The following CCDC141 variants were observed in gnomAD, a reference collection of about 807,000 sequenced individuals.
The protein encoded by CCDC141 is coiled-coil domain-containing protein 141.
A neutral mutation model predicts 181.0 loss-of-function variants in CCDC141; 168 were observed. That is an observed-to-expected ratio of 0.93 (90% CI 0.82 to 1.05). CCDC141 has a LOEUF of 1.05. Among genes scored for constraint, CCDC141 ranks in the 50% least tolerant of loss-of-function variants. CCDC141 has a pLI of 0.00. For synonymous variants in CCDC141, 666 were observed against 642.3 expected (o/e 1.04, Z -0.56); for missense variants, 1,902 against 1,788.5 (o/e 1.06, Z -1.14).
In CCDC141 at chr2:178,994,601, T is replaced by G. The variant is rs577367466; in HGVS notation, c.226-15926A>C. Among the ~76,000 whole-genome samples the G allele has an allele frequency of 3.9e-5, 6 of 152,304 alleles. No homozygotes were observed. The East Asian group carries it at 1.2e-3, about 29-fold the overall frequency. The stretch of plus-strand genomic sequence containing the variant: ...ACATTTTCATCATTTTCTTGGGGAT[T>G]AGCTCCTCGTTACTTATGCAAATTT... On this transcript the variant is annotated intron_variant, in intron 2 of 23. Coordinates refer to ENST00000443758, the MANE Select transcript of CCDC141 (RefSeq NM_173648.4).
intron 17 of CCDC141, among the ~76,000 whole-genome samples, chr2:178,857,792 T>C (rs1186066752): frequency 6.6e-6 from 1 of 152,186 alleles, no homozygotes; most frequent in Non-Finnish European, 1.5e-5. Context: ...TTCTTTTCAA[T>C]GATAGCAAAC....
At chr2:179,017,907 C>T (rs1055061878) in intron 2 of CCDC141, among the ~76,000 whole-genome samples, 4 of 152,046 alleles carry the variant, frequency 2.6e-5, no homozygotes, top group African/African-American at 9.7e-5. Flanking sequence ...TCAAGCCCAG[C>T]TTGATTTAAG....
rs539874001 is a variant in CCDC141 at position 178,907,858 on chromosome 2, G to T, written c.1093-2357C>A. Reference sequence around the variant, plus strand: ...AAAATTAAAAAAAAAAATTAGCCAGGTGTGGTAGCACGTGCTTGTAATCCC... The same window carrying T: ...AAAATTAAAAAAAAAAATTAGCCAGTTGTGGTAGCACGTGCTTGTAATCCC... On this transcript the variant is annotated intron_variant, in intron 7 of 23. Transcript: ENST00000443758. Among the ~76,000 whole-genome samples the T allele has an allele frequency of 4.6e-5, 7 of 152,152 alleles. No individual in the cohort carries two copies. In the South Asian group the frequency reaches 1.5e-3, roughly 32 times the overall value.
chr2:178,871,142 T>C (rs1686102480), intron 14 of CCDC141, among the ~76,000 whole-genome samples: 1 of 152,154 alleles, frequency 6.6e-6, no homozygotes, highest in Non-Finnish European at 1.5e-5. Context: ...AGTGAAAATA[T>C]AGGATAAATA....
At chr2:178,825,015 AC>A (rs1272266575), downstream of CCDC141, among the ~76,000 whole-genome samples, 2 of 152,188 alleles carry the variant, frequency 1.3e-5, no homozygotes, top group East Asian at 3.9e-4. Flanking sequence ...GACATATAAG[AC>A]CAAAAATTAC....
rs1476458130 is a variant in CCDC141 at position 178,960,834 on chromosome 2, T to A, written c.780+396A>T. Among the ~76,000 whole-genome samples, 5 of 152,374 alleles carry A rather than the reference T, an allele frequency of 3.3e-5. No individual in the cohort carries two copies. The East Asian group carries it at 9.6e-4, about 29-fold the overall frequency. On this transcript the variant is annotated intron_variant, in intron 5 of 23. Coordinates refer to ENST00000443758, the MANE Select transcript of CCDC141 (RefSeq NM_173648.4). ...TCTATTTTGGGCTGACAGACTTTTT[T>A]ACTGATGTAAGCAGCAATCTAGCAC...
chr2:179,026,966 A>G (rs2042863512), intron 2 of CCDC141, among the ~76,000 whole-genome samples: 1 of 152,238 alleles, frequency 6.6e-6, no homozygotes, highest in South Asian at 2.1e-4. Flanking sequence ...TATTTGCCCA[A>G]TGCCTGTACC....
At chr2:179,026,352 G>A (rs191503968) in intron 2 of CCDC141, among the ~76,000 whole-genome samples, 29 of 152,298 alleles carry the variant, frequency 1.9e-4, no homozygotes, top group African/African-American at 6.7e-4. Flanking sequence ...GCTGAAAGGG[G>A]CCAACATAGA....
the CCDC141 span, among the ~76,000 whole-genome samples, chr2:178,818,428 C>A: frequency 6.6e-6 from 1 of 152,058 alleles, no homozygotes; most frequent in Non-Finnish European, 1.5e-5. Context: ...TGATGCTCTC[C>A]CTCCCCCAAC....
chr2:178,839,473 A>G (rs993494319), intron 22 of CCDC141, among the ~76,000 whole-genome samples: 1 of 149,824 alleles, frequency 6.7e-6, no homozygotes, highest in Non-Finnish European at 1.5e-5. Context: ...CTACTTTGGG[A>G]AGCTGAAGCA....
chr2:178,856,684 G>A (rs1685404118), intron 17 of CCDC141, among the ~76,000 whole-genome samples: 1 of 152,056 alleles, frequency 6.6e-6, no homozygotes, highest in Non-Finnish European at 1.5e-5. Flanking sequence ...TGCCTCCTGG[G>A]TTCAAGCAAT....
rs143246142 is a variant in CCDC141 at position 178,961,725 on chromosome 2, C to A, written c.527-242G>T. Among the ~76,000 whole-genome samples the A allele has an allele frequency of 2.8e-3, 429 of 152,278 alleles. 2 individuals are homozygous for A. The highest frequency in any genetic ancestry group is 9.9e-3 in the African/African-American group (413 of 41,552). ...CTGCCAACTGATGGGATGCTTTGTT[C>A]AGCAATTGTGTGATTCAGGACAGGG... On this transcript the variant is annotated intron_variant, in intron 4 of 23. Coordinates refer to ENST00000443758, the MANE Select transcript of CCDC141 (RefSeq NM_173648.4).
chr2:179,050,104 A>T lies in CCDC141; in HGVS notation c.-163T>A. The stretch of plus-strand genomic sequence containing the variant: ...AAGAACAGGAGGTTAAAAATAGACA[A>T]CCCCATTGAGTTTATCGTGAGAGAG... On this transcript the variant is annotated 5_prime_UTR_variant, in exon 1 of 24. It adds an upstream start codon to the 5' untranslated region. Coordinates refer to ENST00000443758, the MANE Select transcript of CCDC141 (RefSeq NM_173648.4). 1 of 1,075,258 alleles carries T rather than the reference A, an allele frequency of 9.3e-7. No individual in the cohort carries two copies. Among genetic ancestry groups the T allele is most frequent in the Non-Finnish European group, 1.3e-6 (1 of 779,902 alleles). 66.6% of individuals were successfully genotyped at this position (1,075,258 alleles called of 1,614,324 possible).
In CCDC141 at chr2:178,833,218, G is replaced by T. The variant is rs556468441; in HGVS notation, c.*955C>A. 1 of 152,010 alleles carries T rather than the reference G, an allele frequency of 6.6e-6. No individual in the cohort carries two copies. Among genetic ancestry groups the T allele is most frequent in the African/African-American group, 2.4e-5 (1 of 41,398 alleles). The allele number at this position is 152,010 out of a possible 1,614,324, so 9.4% of individuals were successfully genotyped here. A position where few individuals can be genotyped will look rare whatever the true frequency, so the allele number is the denominator to read the frequency against. Reference sequence around the variant, plus strand: ...AAAAAGAAATAGTGAGCAGGAGGCCGGTCTGATGACAAATTACATTAAACA... The same window carrying T: ...AAAAAGAAATAGTGAGCAGGAGGCCTGTCTGATGACAAATTACATTAAACA... On this transcript the variant is annotated 3_prime_UTR_variant, in exon 24 of 24. Coordinates refer to ENST00000443758, the MANE Select transcript of CCDC141 (RefSeq NM_173648.4).
chr2:179,024,238 C>T (rs1317322893), intron 2 of CCDC141, among the ~76,000 whole-genome samples: 2 of 152,174 alleles, frequency 1.3e-5, no homozygotes, highest in African/African-American at 4.8e-5. Context: ...CTTCTTCAAA[C>T]CCTCAGAACT....
intron 17 of CCDC141, among the ~76,000 whole-genome samples, chr2:178,860,145 C>A (rs1265825470): frequency 2.6e-5 from 4 of 152,110 alleles, no homozygotes; most frequent in Non-Finnish European, 4.4e-5. Context: ...TTTATTCACT[C>A]CAGAAAAAAA....
chr2:178,983,941 T>A (rs1244320002), intron 2 of CCDC141, among the ~76,000 whole-genome samples: 3 of 149,892 alleles, frequency 2.0e-5, no homozygotes, highest in African/African-American at 7.4e-5. Context: ...CAGGCCAACG[T>A]TCAGATTCAG....
chr2:178,856,769 G>A (rs1685407019), intron 17 of CCDC141, among the ~76,000 whole-genome samples: 1 of 152,072 alleles, frequency 6.6e-6, no homozygotes, highest in South Asian at 2.1e-4. Context: ...ATTTTTAGTG[G>A]AGACAGGTTT....
At position 178,869,164 on chromosome 2, in the gene CCDC141, C is replaced by T. The variant is rs760619402; in HGVS notation, c.2347G>A (p.Glu783Lys). ...QKQKERIQDY[E>K]DILYKVVQFH... ...TGGACCACCTTGTACAGGATATCCT[C>T]GTAATCCTGGATTCTCTCTTTCTGT... is the stretch of plus-strand genomic sequence containing the variant. The change falls in exon 15 of 24, where the codon GAG (glutamate) becomes AAG (lysine). Residue 783 changes from glutamate (E) to lysine (K), a missense_variant. Physicochemically the swap from Glu to Lys is moderately conservative, Grantham distance 56. Coordinates refer to ENST00000443758, the MANE Select transcript of CCDC141 (RefSeq NM_173648.4). 6.2e-6 allele frequency: 10 copies of T among 1,613,014 alleles called. No individual in the cohort carries two copies. The highest frequency in any genetic ancestry group is 4.0e-5 in the African/African-American group (3 of 74,854).
Sources: allele counts gnomAD v4.1 joint callset (sites outside exome capture counted in the v4.1 genomes callset), GRCh38; gene constraint gnomAD v4.1.1; transcripts MANE v1.5; gene names NCBI Gene and HGNC (gene_info 2026-07-23, HGNC 2026-07-21).